LSAMP: variants seen among roughly 807,000 people sequenced by gnomAD.
The protein encoded by LSAMP is limbic system associated membrane protein, also known as limbic system-associated membrane protein.
Under a neutral mutation model 38.6 loss-of-function variants are expected in LSAMP, and 7 were observed. That is an observed-to-expected ratio of 0.18 (90% CI 0.10 to 0.34). The LOEUF (loss-of-function observed/expected upper bound fraction) is 0.34, where lower values mean the gene tolerates loss of function less well. Ranked by LOEUF, LSAMP falls within the 10% of genes least tolerant of loss-of-function variation. LSAMP has a pLI of 1.00. For synonymous variants in LSAMP, 154 were observed against 166.8 expected, an observed-to-expected ratio of 0.92 and a Z score of 0.59; for missense variants, 313 against 420.0, an observed-to-expected ratio of 0.75 and a Z score of 2.23.
At position 115,937,400 on chromosome 3, in the gene LSAMP, G is replaced by A. The variant is rs146033396; in HGVS notation, c.514+82115C>T. Among the ~76,000 whole-genome samples the A allele has an allele frequency of 3.1e-3, 474 of 152,166 alleles. 3 individuals carry two copies. Among genetic ancestry groups the A allele is most frequent in the African/African-American group, 0.011 (439 of 41,534 alleles). On this transcript the variant is annotated intron_variant, in intron 3 of 6. Transcript: ENST00000490035. ...TCATACCTGTAATCTCAGCATGTTGGGATGCTGAGGTGAGAGGATTGCTTG... is the reference window on the plus strand; with the variant it reads ...TCATACCTGTAATCTCAGCATGTTGAGATGCTGAGGTGAGAGGATTGCTTG...
In LSAMP at chr3:115,808,146, CTCCCCCCCTTCCCCG is replaced by C. The variant is rs1933685026; in HGVS notation, c.*2156_*2170del. 1.2e-5 allele frequency: 1 copy of C among 80,722 alleles called. No homozygotes were observed. Among genetic ancestry groups the C allele is most frequent in the South Asian group, 7.6e-4 (1 of 1,322 alleles). 5.0% of individuals were successfully genotyped at this position (80,722 alleles called of 1,614,324 possible). Reference sequence around the variant, plus strand: ...CCTCCCTCCCTCCCTCCCTCCCTCCCTCCCCCCCTTCCCCGTCCCCCCCTCCCTGCCTTCCTTCCT... The same window carrying C: ...CCTCCCTCCCTCCCTCCCTCCCTCCCTCCCCCCCTCCCTGCCTTCCTTCCT... On this transcript the variant is annotated 3_prime_UTR_variant, in exon 7 of 7. Coordinates refer to ENST00000490035, the MANE Select transcript of LSAMP (RefSeq NM_002338.5).
At chr3:116,048,481 A>G (rs1216929708) in intron 2 of LSAMP, among the ~76,000 whole-genome samples, 2 of 152,342 alleles carry the variant, frequency 1.3e-5, no homozygotes, top group Admixed American at 6.5e-5. Context: ...ACATCTCTGT[A>G]TAGTGTGACT....
intron 1 of LSAMP, among the ~76,000 whole-genome samples, chr3:116,277,498 T>A (rs2047071732): frequency 6.6e-6 from 1 of 151,674 alleles, no homozygotes; most frequent in Admixed American, 6.6e-5. Flanking sequence ...GCCTCCCGAG[T>A]GGCTGGGACC....
intron 3 of LSAMP, among the ~76,000 whole-genome samples, chr3:115,977,737 A>G (rs1209408383): frequency 6.6e-6 from 1 of 152,004 alleles, no homozygotes; most frequent in Admixed American, 6.6e-5. Flanking sequence ...ACCAAAAAAA[A>G]AAAAAAAAAA....
chr3:116,426,332 C>A (rs918202377), intron 1 of LSAMP, among the ~76,000 whole-genome samples: 14 of 151,724 alleles, frequency 9.2e-5, no homozygotes, highest in Non-Finnish European at 1.9e-4. Flanking sequence ...ACTAAAAATA[C>A]AAAAACTAAT....
intron 1 of LSAMP, among the ~76,000 whole-genome samples, chr3:116,235,886 A>C (rs753974951): frequency 2.0e-5 from 3 of 152,186 alleles, no homozygotes; most frequent in Non-Finnish European, 2.9e-5. Context: ...TAGACTAAGA[A>C]AGATGCTCTA....
chr3:115,835,432 G>T (rs1200874678), intron 6 of LSAMP, among the ~76,000 whole-genome samples: 1 of 152,126 alleles, frequency 6.6e-6, no homozygotes, highest in African/African-American at 2.4e-5. Flanking sequence ...AAAGACCTAA[G>T]ATTAAATTCT....
intron 1 of LSAMP, among the ~76,000 whole-genome samples, chr3:116,387,650 G>A (rs555337824): frequency 6.6e-6 from 1 of 152,172 alleles, no homozygotes; most frequent in African/African-American, 2.4e-5. Flanking sequence ...TTGGGGTAAA[G>A]ATGTGAGTAT....
intron 2 of LSAMP, among the ~76,000 whole-genome samples, chr3:116,063,759 A>G (rs1421384285): frequency 6.6e-6 from 1 of 152,196 alleles, no homozygotes; most frequent in East Asian, 1.9e-4. Flanking sequence ...CAGTTTATCA[A>G]AAATAAAGAT....
intron 1 of LSAMP, among the ~76,000 whole-genome samples, chr3:116,318,257 G>A (rs975916885): frequency 2.0e-5 from 3 of 152,072 alleles, no homozygotes; most frequent in Non-Finnish European, 4.4e-5. Flanking sequence ...GAAAGTTGGA[G>A]TTTAGTAATA....
chr3:116,359,863 ACTATAAAAATC>A (rs1399620338), intron 1 of LSAMP, among the ~76,000 whole-genome samples: 1 of 152,200 alleles, frequency 6.6e-6, no homozygotes, highest in Admixed American at 6.5e-5. Context: ...GAAACTCAAA[ACTATAAAAATC>A]CTATAAGAAA....
intron 3 of LSAMP, among the ~76,000 whole-genome samples, chr3:115,887,719 G>A (rs1236347923): frequency 6.6e-6 from 1 of 151,776 alleles, no homozygotes; most frequent in East Asian, 1.9e-4. Flanking sequence ...CAGGCATTGG[G>A]TATCTATATA....
At chr3:115,958,594 G>A (rs1269363239) in intron 3 of LSAMP, among the ~76,000 whole-genome samples, 2 of 152,126 alleles carry the variant, frequency 1.3e-5, no homozygotes, top group Non-Finnish European at 2.9e-5. Flanking sequence ...AGGAAAGGAT[G>A]GAATTAGAAC....
intron 3 of LSAMP, among the ~76,000 whole-genome samples, chr3:115,890,832 A>C (rs1936580093): frequency 6.6e-6 from 1 of 151,888 alleles, no homozygotes; most frequent in Admixed American, 6.6e-5. Flanking sequence ...GGGCAGTCTC[A>C]GTCTGAATTC....
At chr3:116,376,446 A>G (rs1466134054) in intron 1 of LSAMP, among the ~76,000 whole-genome samples, 1 of 152,052 alleles carries the variant, frequency 6.6e-6, no homozygotes, top group African/African-American at 2.4e-5. Flanking sequence ...AACCTCTTAT[A>G]TCAGGAGATT....
chr3:116,233,754 TAGG>T (rs1197882680), intron 1 of LSAMP, among the ~76,000 whole-genome samples: 2 of 152,080 alleles, frequency 1.3e-5, no homozygotes, highest in African/African-American at 4.8e-5. Flanking sequence ...TGAAGCAGTA[TAGG>T]AGAAAATGGG....
At chr3:116,272,491 G>A (rs1559807821) in intron 1 of LSAMP, among the ~76,000 whole-genome samples, 1 of 152,040 alleles carries the variant, frequency 6.6e-6, no homozygotes, top group Non-Finnish European at 1.5e-5. Flanking sequence ...TACTCAAATT[G>A]GTCATATCAT....
At chr3:115,818,823 A>ATATATATATATATAT (rs1934129422) in intron 6 of LSAMP, among the ~76,000 whole-genome samples, 1 of 44,192 alleles carries the variant, frequency 2.3e-5, no homozygotes, top group South Asian at 1.5e-3. Flanking sequence ...TATATATATA[A>ATATATATATATATAT]CTGCAGCAAC....
intron 1 of LSAMP, among the ~76,000 whole-genome samples, chr3:116,100,864 G>A (rs1233847596): frequency 6.6e-6 from 1 of 151,992 alleles, no homozygotes; most frequent in Non-Finnish European, 1.5e-5. Context: ...TCTAGATCTG[G>A]TTTTTCCTTT....
Sources: gnomAD v4.1 joint callset for allele counts (sites outside exome capture counted in the v4.1 genomes callset) on GRCh38, gnomAD v4.1.1 for gene constraint, MANE v1.5 for transcripts, NCBI Gene and HGNC (gene_info 2026-07-23, HGNC 2026-07-21) for gene names.